The following CHMP2B variants were observed in gnomAD, a reference collection of about 807,000 sequenced individuals.
CHMP2B encodes charged multivesicular body protein 2B.
In CHMP2B, 22 loss-of-function variants were observed where a neutral mutation model predicts 29.8. That is an observed-to-expected ratio of 0.74 (90% confidence interval 0.53 to 1.05). The LOEUF is 1.05. CHMP2B is among the 50% of genes least tolerant of loss of function. CHMP2B has a pLI of 0.00. For missense variants in CHMP2B, 261 were observed against 252.2 expected (o/e 1.03, Z -0.24); for synonymous variants, 78 against 75.8 (o/e 1.03, Z -0.15).
At chr3:87,240,430 C>A (rs1706094868) in intron 1 of CHMP2B, 1 of 330,490 alleles carries the variant, frequency 3.0e-6, no homozygotes, top group African/African-American at 2.1e-5. Flanking sequence ...TCTACCTCAG[C>A]CTACCGAGTA....
chr3:87,253,676 C>A, intron 5 of CHMP2B, 36 bp from the exon 6 acceptor site: 1 of 1,554,768 alleles, frequency 6.4e-7, no homozygotes, highest in South Asian at 1.1e-5. Flanking sequence ...CAAATGTTTC[C>A]TAATGCACGT....
chr3:87,246,322 G>T (rs568764291), intron 3 of CHMP2B, among the ~76,000 whole-genome samples: 1 of 151,964 alleles, frequency 6.6e-6, no homozygotes, highest in Non-Finnish European at 1.5e-5. Flanking sequence ...ATTTTTAGTA[G>T]AGACGAGGTT....
intron 1 of CHMP2B, among the ~76,000 whole-genome samples, chr3:87,237,152 G>A (rs762767839): frequency 1.3e-5 from 2 of 152,082 alleles, no homozygotes; most frequent in Non-Finnish European, 2.9e-5. Flanking sequence ...GGAAATGAGA[G>A]CATTTTTGTT....
rs1461574990 is a variant in CHMP2B, at chr3:87,245,733, T to C, written c.146T>C (p.Met49Thr). 1.2e-6 allele frequency: 2 copies of C among 1,613,326 alleles called. No individual in the cohort carries two copies. Among genetic ancestry groups the C allele is most frequent in the Admixed American group, 1.7e-5 (1 of 59,918 alleles). Residue 49 changes from methionine to threonine, a missense_variant, in exon 3 of 6, where the codon ATG (methionine) becomes ACG (threonine). Transcript: ENST00000263780. Reference sequence around the variant, plus strand: ...TCTTAGGAATTAGAAATTAAGAAAATGGCCAAGATTGGTAATAAGGAAGCT... The same window carrying C: ...TCTTAGGAATTAGAAATTAAGAAAACGGCCAAGATTGGTAATAAGGAAGCT... Reference protein sequence around the residue: ...EKQLELEIKKMAKIGNKEACK... With the variant: ...EKQLELEIKKTAKIGNKEACK...
At chr3:87,238,233 A>G (rs1433673729) in intron 1 of CHMP2B, among the ~76,000 whole-genome samples, 4 of 152,238 alleles carry the variant, frequency 2.6e-5, no homozygotes, top group South Asian at 2.1e-4. Flanking sequence ...TTAAATTCAT[A>G]TAACATTAAC....
intron 2 of CHMP2B, 80 bp from the exon 3 acceptor site, chr3:87,245,634 T>A: frequency 1.7e-6 from 2 of 1,161,042 alleles, no homozygotes; most frequent in Non-Finnish European, 1.3e-6. Flanking sequence ...GTTATGTGTA[T>A]TAGATCTGTT....
intron 4 of CHMP2B, among the ~76,000 whole-genome samples, chr3:87,250,616 A>T (rs1706298366): frequency 6.6e-6 from 1 of 151,982 alleles, no homozygotes; most frequent in African/African-American, 2.4e-5. Flanking sequence ...GATACTCATG[A>T]CCTTGACATT....
At chr3:87,244,277 C>T (rs1426765485) in intron 2 of CHMP2B, among the ~76,000 whole-genome samples, 1 of 151,736 alleles carries the variant, frequency 6.6e-6, no homozygotes, top group Non-Finnish European at 1.5e-5. Flanking sequence ...ATTTCTTGAC[C>T]TCATTATCTG....
chr3:87,252,979 G>T (rs1706342983), intron 4 of CHMP2B: 1 of 167,698 alleles, frequency 6.0e-6, no homozygotes, highest in South Asian at 1.4e-4. Flanking sequence ...AATTTAAGAG[G>T]TATAAAAATA....
chr3:87,230,528 G>A (rs1013296476), intron 1 of CHMP2B, among the ~76,000 whole-genome samples: 4 of 152,110 alleles, frequency 2.6e-5, no homozygotes, highest in Non-Finnish European at 5.9e-5. Context: ...ACTTTTGGTA[G>A]ATACCATGCA....
At chr3:87,247,859 A>C (rs749812021) in intron 3 of CHMP2B, among the ~76,000 whole-genome samples, 2 of 152,154 alleles carry the variant, frequency 1.3e-5, no homozygotes, top group Non-Finnish European at 1.5e-5. Flanking sequence ...CACCCTAAAC[A>C]CTCTGACTTG....
chr3:87,251,356 G>C (rs534533188), intron 4 of CHMP2B, among the ~76,000 whole-genome samples: 2 of 151,944 alleles, frequency 1.3e-5, no homozygotes, highest in South Asian at 2.1e-4. Flanking sequence ...AATGATCTTA[G>C]TACTTAACAT....
chr3:87,245,608 CG>C (rs1706196893), intron 2 of CHMP2B, 105 bp from the exon 3 acceptor site: 1 of 904,992 alleles, frequency 1.1e-6, no homozygotes, highest in African/African-American at 1.7e-5. Flanking sequence ...TCTTCATGAT[CG>C]GGGACAAAGG....
At chr3:87,248,011 C>A (rs545005598) in intron 3 of CHMP2B, among the ~76,000 whole-genome samples, 30 of 152,010 alleles carry the variant, frequency 2.0e-4, no homozygotes, top group African/African-American at 6.7e-4. Context: ...AAGTTTCAAG[C>A]CTCAAGCCGG....
Position 87,227,439 on chromosome 3 carries a change from A to C in CHMP2B, c.-84A>C. ...TCCGCTCCGCCACCCCGAACCCGCC[A>C]AGGTCCTGTCCTTTTCCTCCTGTCC... On this transcript the variant is annotated 5_prime_UTR_variant, in exon 1 of 6. Coordinates refer to ENST00000263780, the MANE Select transcript of CHMP2B (RefSeq NM_014043.4). 5 of 1,550,796 alleles carry C rather than the reference A, an allele frequency of 3.2e-6. No homozygotes were observed. The South Asian group carries it at 5.6e-5, about 17-fold the overall frequency.
chr3:87,231,421 T>G (rs1158523078), intron 1 of CHMP2B, among the ~76,000 whole-genome samples: 1 of 152,206 alleles, frequency 6.6e-6, no homozygotes, highest in Non-Finnish European at 1.5e-5. Context: ...ATTCAGATCC[T>G]ACTTAACTTG....
In CHMP2B at chr3:87,254,505, G is replaced by A. The variant is rs1476213005; in HGVS notation, c.*683G>A. The A allele has an allele frequency of 2.0e-5, 3 of 151,940 alleles. No individual in the cohort carries two copies. The highest frequency in any genetic ancestry group is 2.4e-5 in the African/African-American group (1 of 41,150). The allele number at this position is 151,940 out of a possible 1,614,324, so 9.4% of individuals were successfully genotyped here. The stretch of plus-strand genomic sequence containing the variant: ...AATTACATTTAAAACTGAAATCAAG[G>A]CCTCAATACAAAGATTATCCTGGCT... On this transcript the variant is annotated 3_prime_UTR_variant, in exon 6 of 6. Coordinates refer to ENST00000263780, the MANE Select transcript of CHMP2B (RefSeq NM_014043.4).
intron 4 of CHMP2B, among the ~76,000 whole-genome samples, chr3:87,251,213 A>T (rs1473699744): frequency 6.6e-6 from 1 of 151,810 alleles, no homozygotes; most frequent in Non-Finnish European, 1.5e-5. Context: ...ATAATACTGT[A>T]TGTTTATCTT....
intron 1 of CHMP2B, among the ~76,000 whole-genome samples, chr3:87,234,356 G>A (rs1575963189): frequency 6.6e-6 from 1 of 151,982 alleles, no homozygotes; most frequent in South Asian, 2.1e-4. Context: ...ACCAAAAAAG[G>A]CAGAAACACC....
Sources: allele counts gnomAD v4.1 joint callset (sites outside exome capture counted in the v4.1 genomes callset), GRCh38; gene constraint gnomAD v4.1.1; transcripts MANE v1.5; gene names NCBI Gene and HGNC (gene_info 2026-07-23, HGNC 2026-07-21).